The following FAH variants were observed in gnomAD, a reference collection of about 807,000 sequenced individuals.
FAH encodes fumarylacetoacetase.
FAH carries 47 observed loss-of-function variants against 55.8 expected under a neutral mutation model. The observed-to-expected ratio is 0.84, with a 90% CI of 0.67 to 1.07. FAH has a LOEUF of 1.07. Among genes scored for constraint, FAH ranks in the 50% least tolerant of loss-of-function variants. FAH has a pLI of 0.00. For missense variants in FAH, 495 were observed against 545.9 expected (o/e 0.91, Z 0.93); for synonymous variants, 199 against 207.7 (o/e 0.96, Z 0.36).
upstream of FAH, chr15:80,152,976 GC>G (rs1158882935): frequency 7.7e-7 from 1 of 1,305,132 alleles, no homozygotes; most frequent in African/African-American, 1.4e-5. Flanking sequence ...GCGGGGCCGG[GC>G]CTGACCACAG....
Position 80,162,230 on chromosome 15 carries a change from G to A in FAH, c.365-16G>A, listed in dbSNP as rs758141842. 2.5e-6 allele frequency: 4 copies of A among 1,607,110 alleles called. No homozygotes were observed. The highest frequency in any genetic ancestry group is 3.3e-4 in the Middle Eastern group (2 of 6,044). On this transcript the variant is annotated splice_polypyrimidine_tract_variant and intron_variant, in intron 4 of 13. Coordinates refer to ENST00000561421, the MANE Select transcript of FAH (RefSeq NM_000137.4). The stretch of plus-strand genomic sequence containing the variant: ...TGTGGGTTGCTGATGGGATCTGTTG[G>A]GTCTTTCCTCTGCAGGAGACTACAC...
chr15:80,161,028 A>G (rs1450266751), intron 4 of FAH, among the ~76,000 whole-genome samples: 4 of 152,170 alleles, frequency 2.6e-5, no homozygotes, highest in African/African-American at 9.7e-5. Context: ...CCTGGGGTAC[A>G]CTGCCTCTCT....
chr15:80,168,105 G>A lies in FAH; in HGVS notation c.509G>A (p.Gly170Asp), dbSNP rs747300179. Residue 170 changes from glycine (G) to aspartate (D), a missense_variant, in exon 6 of 14, where the codon GGC becomes GAC. Gly to Asp is a moderately conservative substitution (Grantham distance 94). Transcript: ENST00000561421. The part of the protein sequence containing the change: ...HGRASSVVVS[G>D]TPIRRPMGQM... ...CGTGCCTCCTCTGTCGTGGTGTCTGGCACCCCAATCCGAAGGCCCATGGGA... is the reference window on the plus strand; with the variant it reads ...CGTGCCTCCTCTGTCGTGGTGTCTGACACCCCAATCCGAAGGCCCATGGGA... 19 of 1,613,978 alleles carry A rather than the reference G, an allele frequency of 1.2e-5. No individual in the cohort carries two copies. Among genetic ancestry groups the A allele is most frequent in the Non-Finnish European group, 1.6e-5 (19 of 1,180,036 alleles).
chr15:80,163,147 A>T (rs1449288573), intron 5 of FAH: 1 of 152,566 alleles, frequency 6.6e-6, no homozygotes, highest in Non-Finnish European at 1.5e-5. Flanking sequence ...TGAGGAAGAA[A>T]GAAAGGGAGA....
At chr15:80,165,358 A>G (rs2142095896) in intron 5 of FAH, among the ~76,000 whole-genome samples, 2 of 152,236 alleles carry the variant, frequency 1.3e-5, no homozygotes, top group East Asian at 1.9e-4. Context: ...GTGAAACCCT[A>G]TCTCTACAAA....
chr15:80,170,510 C>T (rs776138292), intron 7 of FAH, among the ~76,000 whole-genome samples: 1 of 152,228 alleles, frequency 6.6e-6, no homozygotes, highest in Non-Finnish European at 1.5e-5. Context: ...GCATTCCCTG[C>T]CAGCCCTCTG....
rs149919825 is a variant in FAH at position 80,160,839 on chromosome 15, G to T, written c.364+380G>T. ...ATGAAGGGCCCCAGTTTGAGCACGT[G>T]GCAGGATGTCTGGTTGGAGTGTCAT... On this transcript the variant is annotated intron_variant, in intron 4 of 13. Transcript: ENST00000561421. Among the ~76,000 whole-genome samples the T allele has an allele frequency of 4.4e-3, 666 of 152,324 alleles. 5 individuals carry two copies. Among genetic ancestry groups the T allele is most frequent in the African/African-American group, 0.015 (643 of 41,564 alleles).
chr15:80,158,092 C>T lies in FAH; in HGVS notation c.114C>T (p.Asp38=). 6.2e-7 allele frequency: 1 copy of T among 1,614,060 alleles called. No homozygotes were observed. Among genetic ancestry groups the T allele is most frequent in the South Asian group, 1.1e-5 (1 of 91,076 alleles). ...PRPRIGVAIG[D]QILDLSIIKH... ...CGAGGATAGGTGTGGCCATTGGCGA[C>T]CAGATCCTGGACCTCAGCATCATCA... The change falls in exon 2 of 14, where the codon GAC becomes GAT. Residue 38 remains aspartate (D), a synonymous_variant. Transcript: ENST00000561421.
intron 13 of FAH, 68 bp from the exon 14 acceptor site, chr15:80,186,062 G>A (rs1030018839): frequency 1.2e-4 from 152 of 1,290,118 alleles, no homozygotes; most frequent in Middle Eastern, 1.9e-4. Flanking sequence ...GGGCACTGCC[G>A]CTGCCTAGGT....
chr15:80,155,543 G>T (rs1298259675), intron 1 of FAH, among the ~76,000 whole-genome samples: 1 of 152,210 alleles, frequency 6.6e-6, no homozygotes, highest in East Asian at 1.9e-4. Flanking sequence ...AGCCCTACGG[G>T]GCTTAGCGGG....
At chr15:80,154,718 T>C (rs1408167979) in intron 1 of FAH, among the ~76,000 whole-genome samples, 1 of 152,242 alleles carries the variant, frequency 6.6e-6, no homozygotes, top group Non-Finnish European at 1.5e-5. Context: ...TATTCATTTT[T>C]TTTTATTCAG....
chr15:80,157,848 A>T, intron 1 of FAH: 1 of 603,752 alleles, frequency 1.7e-6, no homozygotes, highest in South Asian at 1.9e-5. Context: ...CCATTCAGGG[A>T]ACACAGATTA....
At chr15:80,169,509 TTTTA>T (rs1345989744) in intron 7 of FAH, among the ~76,000 whole-genome samples, 1 of 152,122 alleles carries the variant, frequency 6.6e-6, no homozygotes, top group African/African-American at 2.4e-5. Context: ...CTGCATACTT[TTTTA>T]TTTGTTTTTT....
At chr15:80,152,888 G>T (rs1272755233), upstream of FAH, 8 of 625,240 alleles carry the variant, frequency 1.3e-5, no homozygotes, top group Non-Finnish European at 2.0e-5. Flanking sequence ...GGGTGTTCAC[G>T]GTGAGACCAA....
At chr15:80,157,924 G>A in intron 1 of FAH, 136 bp from the exon 2 acceptor site, 1 of 723,270 alleles carries the variant, frequency 1.4e-6, no homozygotes. Flanking sequence ...TGAGAACATG[G>A]TTCTTCAGTC....
intron 5 of FAH, among the ~76,000 whole-genome samples, chr15:80,163,973 A>G (rs941472518): frequency 1.3e-5 from 2 of 152,254 alleles, no homozygotes; most frequent in Non-Finnish European, 2.9e-5. Context: ...ATCTGTGTTA[A>G]GTGAAATAGG....
At chr15:80,177,439 G>A in intron 10 of FAH, 98 bp from the exon 11 acceptor site, 1 of 1,080,726 alleles carries the variant, frequency 9.3e-7, no homozygotes, top group Non-Finnish European at 1.4e-6. Context: ...AATCATGTTG[G>A]ACAATGGGAA....
intron 5 of FAH, chr15:80,163,706 A>G (rs1256807542): frequency 6.6e-6 from 1 of 152,278 alleles, no homozygotes; most frequent in Admixed American, 6.5e-5. Flanking sequence ...TACAGAAAAT[A>G]TGTAAACATT....
intron 11 of FAH, among the ~76,000 whole-genome samples, chr15:80,179,384 G>A (rs2041310913): frequency 2.6e-5 from 4 of 152,204 alleles, no homozygotes. Flanking sequence ...GCTCCTTAGG[G>A]CTAGTAAGAA....
Sources: allele counts gnomAD v4.1 joint callset (sites outside exome capture counted in the v4.1 genomes callset), GRCh38; gene constraint gnomAD v4.1.1; transcripts MANE v1.5; gene names NCBI Gene and HGNC (gene_info 2026-07-23, HGNC 2026-07-21).